DSCAM: variants seen among roughly 807,000 people sequenced by gnomAD.
DSCAM encodes the protein cell adhesion molecule DSCAM.
A neutral mutation model predicts 217.7 loss-of-function variants in DSCAM; 47 were observed. The observed-to-expected ratio is 0.22, with a 90% CI of 0.17 to 0.28. The LOEUF (loss-of-function observed/expected upper bound fraction) is 0.28, where lower values mean the gene tolerates loss of function less well. DSCAM is among the 10% of genes least tolerant of loss of function. DSCAM has a pLI of 1.00. For synonymous variants in DSCAM, 1,056 were observed against 1,015.3 expected (o/e 1.04, Z -0.76); for missense variants, 2,080 against 2,618.3 (o/e 0.79, Z 4.49).
rs989926708 is a variant in DSCAM, at chr21:40,246,658, C to T, written c.2356+29439G>A. On this transcript the variant is annotated intron_variant, in intron 11 of 32. Transcript: ENST00000400454. ...AGCAATGAAGGTGAAGTCCATACTA[C>T]TGTAAAGAACAGTGCTAGAAATCAG... 1.3e-5 allele frequency among the ~76,000 whole-genome samples: 2 copies of T among 152,192 alleles called. 1 individual carries two copies. The highest frequency in any genetic ancestry group is 2.9e-5 in the Non-Finnish European group (2 of 68,020).
At chr21:40,620,754 T>C (rs1422040651) in intron 3 of DSCAM, among the ~76,000 whole-genome samples, 1 of 152,216 alleles carries the variant, frequency 6.6e-6, no homozygotes, top group Non-Finnish European at 1.5e-5. Flanking sequence ...TATCATCCAA[T>C]TCAGAAACAC....
chr21:40,459,558 T>C (rs141763375), intron 3 of DSCAM, among the ~76,000 whole-genome samples: 18 of 152,232 alleles, frequency 1.2e-4, no homozygotes, highest in African/African-American at 4.3e-4. Context: ...AAAGCATAAG[T>C]ATAAAAAATG....
chr21:40,367,264 A>G (rs1478248639), intron 4 of DSCAM, among the ~76,000 whole-genome samples: 1 of 152,142 alleles, frequency 6.6e-6, no homozygotes, highest in East Asian at 1.9e-4. Context: ...TGACACTACC[A>G]TAAACCCAAC....
At chr21:40,153,394 A>C (rs913825385) in intron 16 of DSCAM, among the ~76,000 whole-genome samples, 1 of 152,212 alleles carries the variant, frequency 6.6e-6, no homozygotes. Context: ...CCTGAGCTAA[A>C]GGGTGACTGG....
Position 40,114,801 on chromosome 21 carries a change from A to G in DSCAM, c.3696+9394T>C, listed in dbSNP as rs192253015. On this transcript the variant is annotated intron_variant, in intron 20 of 32. Coordinates refer to ENST00000400454, the MANE Select transcript of DSCAM (RefSeq NM_001389.5). Reference sequence around the variant, plus strand: ...AAGAAGACATTTATGCAGCCAAAAGACACATGACAAAATGCTCATCATCAC... The same window carrying G: ...AAGAAGACATTTATGCAGCCAAAAGGCACATGACAAAATGCTCATCATCAC... Among the ~76,000 whole-genome samples, 493 of 152,322 alleles carry G rather than the reference A, an allele frequency of 3.2e-3. 2 individuals are homozygous for G. The highest frequency in any genetic ancestry group is 0.011 in the African/African-American group (463 of 41,586).
At chr21:40,101,454 C>T (rs2089749548) in intron 20 of DSCAM, among the ~76,000 whole-genome samples, 1 of 121,558 alleles carries the variant, frequency 8.2e-6, no homozygotes, top group African/African-American at 4.5e-5. Context: ...TCGTGGAAGA[C>T]AGTTTTTTTT....
intron 1 of DSCAM, among the ~76,000 whole-genome samples, chr21:40,837,093 T>C (rs149514038): frequency 7.7e-4 from 118 of 152,368 alleles, no homozygotes; most frequent in African/African-American, 2.6e-3. Flanking sequence ...AATGTTCAGC[T>C]TGAAGTGTCA....
At chr21:40,318,875 C>T (rs987320386) in intron 8 of DSCAM, among the ~76,000 whole-genome samples, 2 of 152,124 alleles carry the variant, frequency 1.3e-5, no homozygotes, top group African/African-American at 4.8e-5. Flanking sequence ...TATTAACTGA[C>T]ATTGACCTAG....
At chr21:40,745,188 T>A (rs188459198) in intron 1 of DSCAM, among the ~76,000 whole-genome samples, 4 of 152,198 alleles carry the variant, frequency 2.6e-5, no homozygotes, top group Admixed American at 2.0e-4. Flanking sequence ...AACCTCTATA[T>A]AATAGTAGTT....
intron 3 of DSCAM, chr21:40,383,768 C>T (rs2075051593): frequency 6.6e-6 from 1 of 152,076 alleles, no homozygotes; most frequent in Non-Finnish European, 1.5e-5. Flanking sequence ...GCTAGTTAAA[C>T]TGATTTTCCA....
intron 3 of DSCAM, among the ~76,000 whole-genome samples, chr21:40,508,764 TATATATATATATATATA>T (rs2076233109): frequency 1.9e-4 from 1 of 5,324 alleles, no homozygotes; most frequent in African/African-American, 8.7e-4. Context: ...TATATATATA[TATATATATATATATATA>T]TATTTTTTTT....
At chr21:40,489,827 A>G (rs1174235325) in intron 3 of DSCAM, among the ~76,000 whole-genome samples, 1 of 148,864 alleles carries the variant, frequency 6.7e-6, no homozygotes, top group Non-Finnish European at 1.5e-5. Context: ...CTGTTTCTCC[A>G]GAGAACCCTA....
At chr21:40,786,189 T>A (rs1218301037) in intron 1 of DSCAM, among the ~76,000 whole-genome samples, 2 of 150,972 alleles carry the variant, frequency 1.3e-5, no homozygotes, top group African/African-American at 2.4e-5. Context: ...TGAGCTGAGA[T>A]CGTGCCATTG....
At chr21:40,590,893 C>T (rs1392068617) in intron 3 of DSCAM, among the ~76,000 whole-genome samples, 1 of 152,104 alleles carries the variant, frequency 6.6e-6, no homozygotes, top group African/African-American at 2.4e-5. Flanking sequence ...AACCAACTGC[C>T]TTAGTTTGTC....
intron 1 of DSCAM, among the ~76,000 whole-genome samples, chr21:40,757,671 T>C (rs1034739842): frequency 8.5e-5 from 13 of 152,172 alleles, no homozygotes; most frequent in African/African-American, 3.1e-4. Flanking sequence ...TGCCATCCGA[T>C]TTGAAGCCCA....
intron 11 of DSCAM, among the ~76,000 whole-genome samples, chr21:40,222,992 T>C (rs931265967): frequency 6.6e-6 from 1 of 152,176 alleles, no homozygotes; most frequent in African/African-American, 2.4e-5. Flanking sequence ...TCCCTGGAAA[T>C]GTTCTTTGCT....
chr21:40,499,773 CTTT>C (rs2076156749), intron 3 of DSCAM, among the ~76,000 whole-genome samples: 14 of 152,052 alleles, frequency 9.2e-5, no homozygotes, highest in Admixed American at 9.2e-4. Flanking sequence ...GAGCACCCTT[CTTT>C]TTTTCTTTTT....
intron 3 of DSCAM, among the ~76,000 whole-genome samples, chr21:40,498,715 GTATATATATATGGGTGTGTGTATA>G (rs2076144558): frequency 6.2e-5 from 1 of 16,096 alleles, no homozygotes; most frequent in African/African-American, 2.6e-4. Flanking sequence ...ATATATGGGT[GTATATATATATGGGTGTGTGTATA>G]TATATATATA....
chr21:40,031,867 C>G (rs2088531657), intron 32 of DSCAM, among the ~76,000 whole-genome samples: 1 of 152,208 alleles, frequency 6.6e-6, no homozygotes, highest in Admixed American at 6.5e-5. Context: ...GTTTAACCCC[C>G]TTCCATGGCT....
Sources: gnomAD v4.1 joint callset for allele counts (sites outside exome capture counted in the v4.1 genomes callset) on GRCh38, gnomAD v4.1.1 for gene constraint, MANE v1.5 for transcripts, NCBI Gene and HGNC (gene_info 2026-07-23, HGNC 2026-07-21) for gene names.